CAST: variants seen among roughly 807,000 people sequenced by gnomAD.
CAST encodes the protein MIR583 host.
In CAST, 76 loss-of-function variants were observed where a neutral mutation model predicts 119.6. The ratio of observed to expected loss-of-function variants is 0.64; its 90% confidence interval spans 0.53 to 0.77. The LOEUF is 0.77. Among genes scored for constraint, CAST ranks in the 30% least tolerant of loss-of-function variants. The probability of loss-of-function intolerance (pLI) is 0.00; values close to 1 mark genes in which losing one functional copy is unlikely to be tolerated. For missense variants in CAST, 953 were observed against 946.5 expected (o/e 1.01, Z -0.09); for synonymous variants, 319 against 331.6 (o/e 0.96, Z 0.41).
the CAST span, among the ~76,000 whole-genome samples, chr5:96,033,500 T>G: frequency 6.6e-6 from 1 of 151,972 alleles, no homozygotes; most frequent in Non-Finnish European, 1.5e-5. Flanking sequence ...AATCCACACA[T>G]ATACAGACAA....
the CAST span, among the ~76,000 whole-genome samples, chr5:96,427,586 T>G: frequency 1.3e-5 from 2 of 152,158 alleles, no homozygotes; most frequent in Non-Finnish European, 2.9e-5. Context: ...TGTCTTGAGA[T>G]TCCACCCCTC....
chr5:96,516,243 G>GAC, the CAST span, among the ~76,000 whole-genome samples: 1 of 151,760 alleles, frequency 6.6e-6, no homozygotes, highest in Non-Finnish European at 1.5e-5. Flanking sequence ...TGTTTCAAGG[G>GAC]ACATACAAAT....
At chr5:96,023,697 G>C in the CAST span, among the ~76,000 whole-genome samples, 2 of 152,072 alleles carry the variant, frequency 1.3e-5, no homozygotes, top group Admixed American at 1.3e-4. Context: ...GGATAATCCA[G>C]AATATGGGTC....
chr5:96,071,470 T>C, the CAST span, among the ~76,000 whole-genome samples: 27 of 152,146 alleles, frequency 1.8e-4, 1 homozygote, highest in African/African-American at 6.3e-4. Context: ...TCCCTATTCC[T>C]AGGCATCCTT....
the CAST span, among the ~76,000 whole-genome samples, chr5:96,452,292 C>A: frequency 1.3e-5 from 2 of 152,196 alleles, no homozygotes; most frequent in East Asian, 3.9e-4. Context: ...ACATATACAC[C>A]ATGGAATACT....
the CAST span, among the ~76,000 whole-genome samples, chr5:96,271,489 A>G: frequency 1.3e-5 from 2 of 151,598 alleles, no homozygotes; most frequent in African/African-American, 2.4e-5. Flanking sequence ...CATCAAAGAC[A>G]TACAATGGAA....
chr5:96,268,861 T>G, the CAST span, among the ~76,000 whole-genome samples: 1 of 152,296 alleles, frequency 6.6e-6, no homozygotes, highest in Non-Finnish European at 1.5e-5. Context: ...GTAATCCCCA[T>G]GTGTAGGGGA....
At chr5:96,276,148 T>C in the CAST span, among the ~76,000 whole-genome samples, 1 of 152,196 alleles carries the variant, frequency 6.6e-6, no homozygotes, top group East Asian at 1.9e-4. Context: ...TTAGAGTGTT[T>C]CAACGATAGA....
At chr5:96,748,464 T>C in intron 18 of CAST, 54 bp from the exon 19 acceptor site, 1 of 893,920 alleles carries the variant, frequency 1.1e-6, no homozygotes, top group Non-Finnish European at 1.7e-6. Context: ...AAACTTTTTT[T>C]TTACAAAATA....
chr5:96,461,211 T>C, the CAST span, among the ~76,000 whole-genome samples: 1 of 152,212 alleles, frequency 6.6e-6, no homozygotes, highest in African/African-American at 2.4e-5. Context: ...TTTTTATGAC[T>C]GAATAATGTC....
chr5:96,602,717 C>T (rs887753478), intron 1 of CAST, among the ~76,000 whole-genome samples: 1 of 152,188 alleles, frequency 6.6e-6, no homozygotes, highest in Non-Finnish European at 1.5e-5. Context: ...CCATTACACT[C>T]TAGCCTGGGC....
At chr5:96,481,340 C>T in the CAST span, among the ~76,000 whole-genome samples, 4 of 152,140 alleles carry the variant, frequency 2.6e-5, no homozygotes, top group African/African-American at 9.7e-5. Flanking sequence ...ATCCTTTAAA[C>T]ACAGTTTTGG....
the CAST span, among the ~76,000 whole-genome samples, chr5:96,144,948 C>G: frequency 6.6e-6 from 1 of 152,132 alleles, no homozygotes; most frequent in African/African-American, 2.4e-5. Flanking sequence ...GGGTATGCTC[C>G]TCACCCTCTA....
chr5:96,217,708 G>A, the CAST span, among the ~76,000 whole-genome samples: 3 of 152,086 alleles, frequency 2.0e-5, no homozygotes, highest in South Asian at 4.1e-4. Context: ...GCTGAATGAC[G>A]GAAGCCAGAC....
At chr5:96,276,781 A>G in the CAST span, among the ~76,000 whole-genome samples, 1 of 152,136 alleles carries the variant, frequency 6.6e-6, no homozygotes, top group African/African-American at 2.4e-5. Flanking sequence ...TCCTTTTCCC[A>G]TCTGTTTCCC....
At chr5:96,209,646 C>A in the CAST span, among the ~76,000 whole-genome samples, 4 of 145,120 alleles carry the variant, frequency 2.8e-5, no homozygotes, top group African/African-American at 7.7e-5. Flanking sequence ...ATAACCGCAC[C>A]CCCCGCCCAC....
the CAST span, among the ~76,000 whole-genome samples, chr5:96,274,261 C>T: frequency 2.0e-5 from 3 of 151,958 alleles, no homozygotes; most frequent in Non-Finnish European, 4.4e-5. Context: ...ACCACCATGC[C>T]TGGCTAATTT....
the CAST span, among the ~76,000 whole-genome samples, chr5:96,281,919 A>C: frequency 1.3e-5 from 2 of 152,228 alleles, no homozygotes; most frequent in Non-Finnish European, 2.9e-5. Flanking sequence ...ATCTTCTGCT[A>C]GTAGAAATTC....
At chr5:96,633,058 G>A (rs1241515303) in intron 1 of CAST, among the ~76,000 whole-genome samples, 2 of 152,114 alleles carry the variant, frequency 1.3e-5, no homozygotes, top group African/African-American at 2.4e-5. Flanking sequence ...TGAAACTTCT[G>A]CCACCTGGGT....
Sources: gnomAD v4.1 joint callset for allele counts (sites outside exome capture counted in the v4.1 genomes callset) on GRCh38, gnomAD v4.1.1 for gene constraint, MANE v1.5 for transcripts, NCBI Gene and HGNC (gene_info 2026-07-23, HGNC 2026-07-21) for gene names.